EP400: variants seen among roughly 807,000 people sequenced by gnomAD.
The protein encoded by EP400 is E1A binding protein p400.
Under a neutral mutation model 354.1 loss-of-function variants are expected in EP400, and 105 were observed. The ratio of observed to expected loss-of-function variants is 0.30; its 90% CI spans 0.25 to 0.35. The LOEUF (loss-of-function observed/expected upper bound fraction) is 0.35. Among genes scored for constraint, EP400 ranks in the 10% least tolerant of loss-of-function variants. The probability of loss-of-function intolerance (pLI) is 1.00; values close to 1 mark genes in which losing one functional copy is unlikely to be tolerated. For synonymous variants in EP400, 1,646 were observed against 1,716.9 expected (o/e 0.96, Z 1.02); for missense variants, 3,280 against 4,121.0 (o/e 0.80, Z 5.59).
In EP400 at chr12:131,998,906, T is replaced by TCTTTGTATACAGTCTTGTATACAAAGA. The variant is rs1566179925; in HGVS notation, c.2827+3976_2827+3977insACTTTGTATACAGTCTTGTATACAAAG. Among the ~76,000 whole-genome samples the TCTTTGTATACAGTCTTGTATACAAAGA allele has an allele frequency of 2.0e-4, 21 of 107,652 alleles. 1 individual carries two copies. The highest frequency in any genetic ancestry group is 6.6e-4 in the Admixed American group (8 of 12,208). The allele number at this position is 107,652 out of a possible 152,430, so 70.6% of individuals were successfully genotyped here. ...TTTGTATACAGTCTTGTATACAAAGTCTTTGTATACAGTCTTGTATACAAA... is the reference window on the plus strand; with the variant it reads ...TTTGTATACAGTCTTGTATACAAAGTCTTTGTATACAGTCTTGTATACAAAGACTTTGTATACAGTCTTGTATACAAA... On this transcript the variant is annotated intron_variant, in intron 12 of 52. Transcript: ENST00000389561.
chr12:131,960,707 G>GCCCCC lies in EP400; in HGVS notation c.91_92insCCCCC (p.His31ProfsTer33). ...TGGCAGCGAGGGTGAGGAGCAGCCG[G>GCCCCC]CCCACCCCAACCCACCCCCGTCCCC... is the stretch of plus-strand genomic sequence containing the variant. On this transcript the variant is annotated frameshift_variant, in exon 2 of 53. Transcript: ENST00000389561. LOFTEE classifies it high-confidence loss of function. 2 of 1,545,588 alleles carry GCCCCC rather than the reference G, an allele frequency of 1.3e-6. No homozygotes were observed. Among genetic ancestry groups the GCCCCC allele is most frequent in the Admixed American group, 2.0e-5 (1 of 50,216 alleles).
intron 1 of EP400, among the ~76,000 whole-genome samples, chr12:131,956,918 CTGGAG>C (rs1305674196): frequency 7.4e-6 from 1 of 134,588 alleles, no homozygotes; most frequent in Admixed American, 8.5e-5. Context: ...TTTGCCCAGG[CTGGAG>C]TGCAGTGGCA....
chr12:131,990,243 C>G lies in EP400; in HGVS notation c.2550+139C>G. ...TCAGCAACGTGTGCACTCTCCTGGG[C>G]TGTTGCTTGTTGGCCTTTGAATGAG... On this transcript the variant is annotated intron_variant, in intron 8 of 52. Coordinates refer to ENST00000389561, the MANE Select transcript of EP400 (RefSeq NM_015409.5). This position sits in a 1 kb window ranked among gnomAD's most constrained non-coding sequence, Gnocchi z 4.2. 9.7e-7 allele frequency: 1 copy of G among 1,036,144 alleles called. No individual in the cohort carries two copies. The highest frequency in any genetic ancestry group is 1.4e-6 in the Non-Finnish European group (1 of 718,456). The allele number at this position is 1,036,144 out of a possible 1,614,324, so 64.2% of individuals were successfully genotyped here. A position where few individuals can be genotyped will look rare whatever the true frequency, so the allele number is the denominator to read the frequency against.
intron 30 of EP400, among the ~76,000 whole-genome samples, chr12:132,033,556 T>C (rs1278388007): frequency 6.6e-6 from 1 of 151,524 alleles, no homozygotes; most frequent in Non-Finnish European, 1.5e-5. Context: ...TTTTTTTTTT[T>C]TGAGACGGTC....
At position 132,054,844 on chromosome 12, in the gene EP400, G is replaced by A. The variant is rs968072622; in HGVS notation, c.7729-130G>A. ...ACCGCCAGGTGGAATGAGCTGGGGAGGATGGGACAGGTGGCTGTGTGAATG... is the reference window on the plus strand; with the variant it reads ...ACCGCCAGGTGGAATGAGCTGGGGAAGATGGGACAGGTGGCTGTGTGAATG... On this transcript the variant is annotated intron_variant, in intron 43 of 52. Transcript: ENST00000389561. The surrounding 1 kb of genome is among the most constrained non-coding windows in gnomAD (Gnocchi z 4.0). 2 of 928,400 alleles carry A rather than the reference G, an allele frequency of 2.2e-6. No individual in the cohort carries two copies. Among genetic ancestry groups the A allele is most frequent in the African/African-American group, 3.3e-5 (2 of 61,100 alleles). The allele number at this position is 928,400 out of a possible 1,614,324, so 57.5% of individuals were successfully genotyped here.
rs1395646130 is a variant in EP400 at position 132,050,739 on chromosome 12, CGTT to C, written c.7394+87_7394+89del. Reference sequence around the variant, plus strand: ...TCTAAGTTCAGTGAGTTCAGCAAATCGTTGTGCACTTAGCGTGTTCAGGCATCA... The same window carrying C: ...TCTAAGTTCAGTGAGTTCAGCAAATCGTGCACTTAGCGTGTTCAGGCATCA... On this transcript the variant is annotated intron_variant, in intron 41 of 52. Transcript: ENST00000389561. This position sits in a 1 kb window ranked among gnomAD's most constrained non-coding sequence, Gnocchi z 4.8. 1.3e-6 allele frequency: 2 copies of C among 1,543,338 alleles called. No homozygotes were observed. Among genetic ancestry groups the C allele is most frequent in the Non-Finnish European group, 1.8e-6 (2 of 1,118,114 alleles).
chr12:131,975,454 A>G (rs927193192), intron 2 of EP400, among the ~76,000 whole-genome samples: 1 of 152,096 alleles, frequency 6.6e-6, no homozygotes, highest in Admixed American at 6.6e-5. Context: ...GCTGCACTGC[A>G]CTGTCCTGGT....
At chr12:132,007,718 A>G (rs940666481) in intron 15 of EP400, among the ~76,000 whole-genome samples, 2 of 152,202 alleles carry the variant, frequency 1.3e-5, no homozygotes, top group African/African-American at 4.8e-5. Flanking sequence ...AGGCTTTGCT[A>G]TTGCTGCAGA....
chr12:131,991,358 G>C, intron 9 of EP400, 49 bp from the exon 10 acceptor site: 3 of 1,601,372 alleles, frequency 1.9e-6, no homozygotes, highest in Non-Finnish European at 2.6e-6. Context: ...AGACGCCCTC[G>C]CCAAGCATGG....
intron 12 of EP400, among the ~76,000 whole-genome samples, chr12:131,998,417 G>C (rs1893288221): frequency 6.6e-6 from 1 of 152,082 alleles, no homozygotes; most frequent in Non-Finnish European, 1.5e-5. Context: ...TCAAAATATA[G>C]TTCTCCCCTT....
intron 29 of EP400, 108 bp downstream of exon 29, chr12:132,030,266 AGGGACTTAATG>A: frequency 3.1e-6 from 4 of 1,302,166 alleles, no homozygotes; most frequent in Non-Finnish European, 3.2e-6. Context: ...GTGAAAGGGG[AGGGACTTAATG>A]AGCTTCTGAA....
At chr12:132,024,048 C>T in intron 24 of EP400, 107 bp downstream of exon 24, 1 of 1,257,370 alleles carries the variant, frequency 8.0e-7, no homozygotes, top group Non-Finnish European at 1.1e-6. Context: ...TCAGGCTTTT[C>T]CCTGTGTCCG....
intron 1 of EP400, among the ~76,000 whole-genome samples, chr12:131,958,547 T>C (rs1891778852): frequency 6.6e-6 from 1 of 152,226 alleles, no homozygotes; most frequent in African/African-American, 2.4e-5. Flanking sequence ...AGAAGAGCCT[T>C]ATACGTTTTG....
In EP400 at chr12:132,067,299, G is replaced by C. The variant is rs1341670418; in HGVS notation, c.8750-63G>C. 3.0e-5 allele frequency: 48 copies of C among 1,582,602 alleles called. No homozygotes were observed. The highest frequency in any genetic ancestry group is 3.8e-5 in the Non-Finnish European group (44 of 1,161,858). Reference sequence around the variant, plus strand: ...GTAGAGGTGAGTCAGTTGGAACAGAGCTTGGCGTGAGCCTCAAGCTCTTTT... The same window carrying C: ...GTAGAGGTGAGTCAGTTGGAACAGACCTTGGCGTGAGCCTCAAGCTCTTTT... On this transcript the variant is annotated intron_variant, in intron 49 of 52. Coordinates refer to ENST00000389561, the MANE Select transcript of EP400 (RefSeq NM_015409.5). This position sits in a 1 kb window ranked among gnomAD's most constrained non-coding sequence, Gnocchi z 5.3.
At position 132,077,761 on chromosome 12, in the gene EP400, G is replaced by T. The variant is rs115356512; in HGVS notation, c.*88G>T. ...TTAGTGAACCTTGGGACCATGTCAC[G>T]CAAGAGATTCAGCACTGGGAAAGAT... is the stretch of plus-strand genomic sequence containing the variant. On this transcript the variant is annotated 3_prime_UTR_variant, in exon 53 of 53. Transcript: ENST00000389561. 7.2e-4 allele frequency: 1,022 copies of T among 1,410,854 alleles called. 5 individuals are homozygous for T. In the African/African-American group the frequency reaches 0.013, roughly 18 times the overall value. 87.4% of individuals were successfully genotyped at this position (1,410,854 alleles called of 1,614,324 possible). A position where few individuals can be genotyped will look rare whatever the true frequency, so the allele number is the denominator to read the frequency against.
At position 132,017,175 on chromosome 12, in the gene EP400, G is replaced by C. The variant is rs996121261; in HGVS notation, c.3924-360G>C. Reference sequence around the variant, plus strand: ...TGTAGGACCAGGCGTCAGAGCTGCCGAGCGGGTGTGTGAGGGGCTTTACTC... The same window carrying C: ...TGTAGGACCAGGCGTCAGAGCTGCCCAGCGGGTGTGTGAGGGGCTTTACTC... On this transcript the variant is annotated intron_variant, in intron 19 of 52. Coordinates refer to ENST00000389561, the MANE Select transcript of EP400 (RefSeq NM_015409.5). The surrounding 1 kb of genome is among the most constrained non-coding windows in gnomAD (Gnocchi z 5.0). Among the ~76,000 whole-genome samples, 2 of 146,956 alleles carry C rather than the reference G, an allele frequency of 1.4e-5. No homozygotes were observed. The highest frequency in any genetic ancestry group is 1.3e-4 in the Admixed American group (2 of 15,198).
intron 29 of EP400, among the ~76,000 whole-genome samples, chr12:132,030,974 T>C (rs1894469487): frequency 6.6e-6 from 1 of 152,210 alleles, no homozygotes; most frequent in African/African-American, 2.4e-5. Context: ...CAGCCTGCTT[T>C]ATCTCACACA....
In EP400 at chr12:131,986,776, C is replaced by T. The variant is rs762199078; in HGVS notation, c.2192C>T (p.Ser731Phe). 6.2e-7 allele frequency: 1 copy of T among 1,613,584 alleles called. No homozygotes were observed. Among genetic ancestry groups the T allele is most frequent in the Admixed American group, 1.7e-5 (1 of 59,942 alleles). Residue 731 changes from serine (S) to phenylalanine (F), a missense_variant, in exon 6 of 53, where the codon TCT (serine) becomes TTT (phenylalanine). This residue lies in a region of EP400 where 800 missense variants were observed against 840.0 expected (regional missense o/e 0.95). Transcript: ENST00000389561. The stretch of plus-strand genomic sequence containing the variant: ...AATGCCACCTCGTCCCAAGACAGTT[C>T]TCAGGATACGCTGACAGAACAAATA... The part of the protein sequence containing the change: ...AQNATSSQDS[S>F]QDTLTEQITL...
chr12:132,065,712 G>A (rs1895868721), intron 48 of EP400: 1 of 152,268 alleles, frequency 6.6e-6, no homozygotes, highest in Non-Finnish European at 1.5e-5. Context: ...TCTTCCCTGG[G>A]AGGGGCTAGC....
Sources: gnomAD v4.1 joint callset for allele counts (sites outside exome capture counted in the v4.1 genomes callset) on GRCh38, gnomAD v4.1.1 for gene constraint, gnomAD v4.1.1 regional missense constraint, Gnocchi (gnomAD v3.1) non-coding constraint, MANE v1.5 for transcripts, NCBI Gene and HGNC (gene_info 2026-07-23, HGNC 2026-07-21) for gene names.